Variants in ATG4B observed in about 807,000 individuals in gnomAD.
ATG4B encodes cysteine protease ATG4B.
In ATG4B, 29 loss-of-function variants were observed where a neutral mutation model predicts 56.6. The ratio of observed to expected loss-of-function variants is 0.51; its 90% confidence interval spans 0.38 to 0.70. The LOEUF is 0.70. Ranked by LOEUF, ATG4B falls within the 30% of genes least tolerant of loss-of-function variation. ATG4B has a pLI of 0.00. For synonymous variants in ATG4B, 224 were observed against 206.1 expected, an observed-to-expected ratio of 1.09 and a Z score of -0.74; for missense variants, 461 against 515.5, an observed-to-expected ratio of 0.89 and a Z score of 1.02.
intron 6 of ATG4B, among the ~76,000 whole-genome samples, chr2:241,658,630 G>A (rs1231947955): frequency 6.6e-6 from 1 of 152,190 alleles, no homozygotes; most frequent in East Asian, 1.9e-4. Flanking sequence ...CCTCACTGGC[G>A]TGCACAGTCG....
chr2:241,661,566 A>G (rs1264375195), intron 7 of ATG4B, among the ~76,000 whole-genome samples: 1 of 152,228 alleles, frequency 6.6e-6, no homozygotes. Context: ...CTTTTCTTCT[A>G]GTTTCTCGGA....
chr2:241,650,200 C>T (rs1442907426), intron 1 of ATG4B, among the ~76,000 whole-genome samples: 4 of 152,148 alleles, frequency 2.6e-5, no homozygotes, highest in Admixed American at 2.6e-4. Flanking sequence ...GGGTGTTGCC[C>T]CATGGAAGTG....
chr2:241,658,751 C>G (rs1003410528), intron 6 of ATG4B, among the ~76,000 whole-genome samples: 1 of 152,240 alleles, frequency 6.6e-6, no homozygotes, highest in African/African-American at 2.4e-5. Flanking sequence ...TGCTGGGAGG[C>G]CTGCCTCAAA....
chr2:241,643,386 T>TA (rs1553563275), intron 1 of ATG4B, among the ~76,000 whole-genome samples: 2 of 130,270 alleles, frequency 1.5e-5, no homozygotes, highest in Admixed American at 7.5e-5. Context: ...TTTTTTTTTT[T>TA]AAGAGAGACA....
intron 11 of ATG4B, among the ~76,000 whole-genome samples, chr2:241,670,998 G>T (rs1423823902): frequency 2.6e-5 from 4 of 151,936 alleles, no homozygotes; most frequent in South Asian, 4.1e-4. Flanking sequence ...GACGGATGTT[G>T]CGTGTTGACT....
At chr2:241,649,758 CT>C (rs1181106900) in intron 1 of ATG4B, among the ~76,000 whole-genome samples, 1 of 149,824 alleles carries the variant, frequency 6.7e-6, no homozygotes, top group Non-Finnish European at 1.5e-5. Flanking sequence ...TTCTTTCTTT[CT>C]TTTTTTTCTT....
Position 241,666,842 on chromosome 2 carries a change from G to A in ATG4B, c.732+4G>A, listed in dbSNP as rs376746434. 1,514 of 1,555,252 alleles carry A rather than the reference G, an allele frequency of 9.7e-4. No individual in the cohort carries two copies. Among genetic ancestry groups the A allele is most frequent in the Non-Finnish European group, 1.2e-3 (1,436 of 1,150,618 alleles). On this transcript the variant is annotated splice_donor_region_variant and intron_variant, in intron 8 of 12. Transcript: ENST00000404914. ...GGCCTACGTGGAGACGCTGAAGGTG[G>A]GTCCTGCCGTGCGGCGCTTGCCCTG...
At chr2:241,671,921 G>A (rs571875477) in intron 12 of ATG4B, 14 of 1,368,130 alleles carry the variant, frequency 1.0e-5, no homozygotes, top group African/African-American at 8.8e-5. Context: ...TGATGACCAC[G>A]AGGGTCAGAC....
chr2:241,657,331 T>C (rs1222219816), intron 6 of ATG4B, among the ~76,000 whole-genome samples: 6 of 145,222 alleles, frequency 4.1e-5, no homozygotes, highest in Non-Finnish European at 9.0e-5. Flanking sequence ...AGAGTCTAGC[T>C]CTGTAGTCCA....
At chr2:241,662,240 T>C (rs1381964939) in intron 7 of ATG4B, among the ~76,000 whole-genome samples, 2 of 152,208 alleles carry the variant, frequency 1.3e-5, no homozygotes, top group Admixed American at 1.3e-4. Flanking sequence ...AAAGGGAAAC[T>C]TCTCTAAACA....
intron 1 of ATG4B, among the ~76,000 whole-genome samples, chr2:241,645,892 G>C (rs1412741308): frequency 6.6e-6 from 1 of 152,214 alleles, no homozygotes; most frequent in African/African-American, 2.4e-5. Context: ...CGGAGGAGCA[G>C]AGCAGCTTGG....
rs2069055031 is a variant in ATG4B at position 241,673,763 on chromosome 2, T to G, written c.*1499T>G. On this transcript the variant is annotated 3_prime_UTR_variant, in exon 13 of 13. Transcript: ENST00000404914. ...CCAAAGGGGAGCTTTGTCTCGTGTG[T>G]TTTGAAAAAGGCTTAATGAAGAGAA... 4.4e-6 allele frequency: 2 copies of G among 454,840 alleles called. No individual in the cohort carries two copies. The highest frequency in any genetic ancestry group is 1.4e-4 in the East Asian group (2 of 14,402). The allele number at this position is 454,840 out of a possible 1,614,324, so 28.2% of individuals were successfully genotyped here. A position where few individuals can be genotyped will look rare whatever the true frequency, so the allele number is the denominator to read the frequency against.
At chr2:241,666,232 G>A (rs916849822) in intron 7 of ATG4B, among the ~76,000 whole-genome samples, 24 of 152,216 alleles carry the variant, frequency 1.6e-4, no homozygotes, top group African/African-American at 1.7e-4. Flanking sequence ...ATTGACTCAC[G>A]GGTGTGTGTA....
chr2:241,639,355 C>G (rs2067811042), intron 1 of ATG4B, among the ~76,000 whole-genome samples: 1 of 152,234 alleles, frequency 6.6e-6, no homozygotes, highest in Admixed American at 6.5e-5. Flanking sequence ...GTGTCAGCAG[C>G]CCTGTTACTC....
intron 8 of ATG4B, 103 bp downstream of exon 8, chr2:241,666,941 C>T: frequency 7.4e-7 from 1 of 1,359,458 alleles, no homozygotes; most frequent in Non-Finnish European, 9.9e-7. Flanking sequence ...GTGCAGCCGG[C>T]TCTCGGGGGA....
chr2:241,658,999 A>T (rs750913749), intron 6 of ATG4B, 109 bp from the exon 7 acceptor site: 2 of 749,856 alleles, frequency 2.7e-6, no homozygotes, highest in Non-Finnish European at 4.2e-6. Flanking sequence ...GGCCCTTCTC[A>T]TCCGAGAAGC....
At chr2:241,657,362 A>G (rs1327924460) in intron 6 of ATG4B, among the ~76,000 whole-genome samples, 14 of 149,440 alleles carry the variant, frequency 9.4e-5, no homozygotes, top group Admixed American at 6.7e-5. Flanking sequence ...CAGTGGTGCA[A>G]TCTTGGGCTC....
chr2:241,643,083 C>T (rs934668815), intron 1 of ATG4B, among the ~76,000 whole-genome samples: 1 of 151,524 alleles, frequency 6.6e-6, no homozygotes, highest in Non-Finnish European at 1.5e-5. Flanking sequence ...TGGGGTTTCA[C>T]CATGTTGGCC....
At chr2:241,643,560 G>A (rs1012965445) in intron 1 of ATG4B, among the ~76,000 whole-genome samples, 2 of 148,748 alleles carry the variant, frequency 1.3e-5, no homozygotes, top group African/African-American at 4.9e-5. Context: ...CTAGAGATGG[G>A]TCTATATATT....
Sources: gnomAD v4.1 joint callset for allele counts (sites outside exome capture counted in the v4.1 genomes callset) on GRCh38, gnomAD v4.1.1 for gene constraint, MANE v1.5 for transcripts, NCBI Gene and HGNC (gene_info 2026-07-23, HGNC 2026-07-21) for gene names.